APBB3: variants seen among roughly 807,000 people sequenced by gnomAD.
APBB3 encodes amyloid-beta A4 precursor protein-binding family B member 3.
A neutral mutation model predicts 61.5 loss-of-function variants in APBB3; 50 were observed. That is an observed-to-expected ratio of 0.81 (90% CI 0.65 to 1.03). The LOEUF is 1.03. APBB3 is among the 50% of genes least tolerant of loss of function. APBB3 has a pLI of 0.00. For missense variants in APBB3, 550 were observed against 637.4 expected (o/e 0.86, Z 1.48); for synonymous variants, 235 against 233.0 (o/e 1.01, Z -0.08).
At position 140,562,479 on chromosome 5, in the gene APBB3, C is replaced by A. The variant is rs370576904; in HGVS notation, c.372G>T (p.Leu124=). ...CCTCTTCAGGTACCTCTACCCAGCC[C>A]AGAGAGCGGACTGCAAAGCACTGAC... is the stretch of plus-strand genomic sequence containing the variant. ...PGAKCFAVRS[L]GWVEVPEEDL... is the part of the protein sequence containing the mutation. Residue 124 remains leucine, a synonymous_variant, in exon 5 of 13, where the codon CTG becomes CTT. Coordinates refer to ENST00000357560, the MANE Select transcript of APBB3 (RefSeq NM_133173.3). The A allele has an allele frequency of 6.2e-7, 1 of 1,613,996 alleles. No individual in the cohort carries two copies. Among genetic ancestry groups the A allele is most frequent in the Non-Finnish European group, 8.5e-7 (1 of 1,180,028 alleles).
At chr5:140,558,887 A>T in intron 12 of APBB3, 66 bp from the exon 13 acceptor site, 1 of 1,446,224 alleles carries the variant, frequency 6.9e-7, no homozygotes, top group Non-Finnish European at 9.7e-7. Flanking sequence ...AAGCTTCTGC[A>T]GGACAGGGAA....
intron 12 of APBB3, 29 bp from the exon 13 acceptor site, chr5:140,558,850 G>C: frequency 6.3e-7 from 1 of 1,596,070 alleles, no homozygotes; most frequent in South Asian, 1.1e-5. Flanking sequence ...TGAGGATCCA[G>C]CTACTTTCTG....
chr5:140,560,241 C>A lies in APBB3; in HGVS notation c.1224+72G>T. ...TTGTGATCTCTGAAGAGGCTGCCGA[C>A]CCGGAGCCCAAGTAAACAGTGGAGA... On this transcript the variant is annotated intron_variant, in intron 12 of 12. Transcript: ENST00000357560. This position sits in a 1 kb window ranked among gnomAD's most constrained non-coding sequence, Gnocchi z 5.1. 6.5e-7 allele frequency: 1 copy of A among 1,532,708 alleles called. No homozygotes were observed. The highest frequency in any genetic ancestry group is 8.9e-7 in the Non-Finnish European group (1 of 1,126,720). The allele number at this position is 1,532,708 out of a possible 1,614,324, so 94.9% of individuals were successfully genotyped here.
At chr5:140,559,103 T>A (rs1754835617) in intron 12 of APBB3, among the ~76,000 whole-genome samples, 1 of 152,162 alleles carries the variant, frequency 6.6e-6, no homozygotes, top group Non-Finnish European at 1.5e-5. Flanking sequence ...AAATTGAGAT[T>A]CAGAGAGTAT....
Position 140,562,422 on chromosome 5 carries a change from G to A in APBB3, c.429C>T (p.Val143=). Reference sequence around the variant, plus strand: ...GGGCCAGCTGCTGGATACAGTTATTGACTGCAATACTGCTCTTCCCCGGTG... The same window carrying A: ...GGGCCAGCTGCTGGATACAGTTATTAACTGCAATACTGCTCTTCCCCGGTG... ...DLAPGKSSIA[V]NNCIQQLAQT... is the part of the protein sequence containing the mutation. The change falls in exon 5 of 13, where the codon GTC becomes GTT. Residue 143 remains valine, a synonymous_variant. Transcript: ENST00000357560. The A allele has an allele frequency of 6.2e-7, 1 of 1,614,196 alleles. No homozygotes were observed. Among genetic ancestry groups the A allele is most frequent in the Non-Finnish European group, 8.5e-7 (1 of 1,180,040 alleles).
Position 140,563,821 on chromosome 5 carries a change from A to C in APBB3, c.144T>G (p.His48Gln), listed in dbSNP as rs752557752. The C allele has an allele frequency of 2.5e-6, 4 of 1,614,058 alleles. No individual in the cohort carries two copies. The South Asian group carries it at 3.3e-5, about 13-fold the overall frequency. ...GCCACTGGGTGCTACCGCTGGGTAC[A>C]TGCCAGTAGTAAGTACCTGCAGCAT... is the stretch of plus-strand genomic sequence containing the variant. Reference protein sequence around the residue: ...IHDAAGTYYWHVPSGSTQWQR... With the variant: ...IHDAAGTYYWQVPSGSTQWQR... Residue 48 changes from histidine (H) to glutamine (Q), a missense_variant, in exon 2 of 13, where the codon CAT (histidine) becomes CAG (glutamine). Physicochemically the swap from His to Gln is conservative, Grantham distance 24. Coordinates refer to ENST00000357560, the MANE Select transcript of APBB3 (RefSeq NM_133173.3).
chr5:140,564,107 C>G lies in APBB3; in HGVS notation c.49+90G>C. 1.3e-6 allele frequency: 2 copies of G among 1,572,522 alleles called. No individual in the cohort carries two copies. The highest frequency in any genetic ancestry group is 1.7e-6 in the Non-Finnish European group (2 of 1,149,028). On this transcript the variant is annotated intron_variant, in intron 1 of 12. Coordinates refer to ENST00000357560, the MANE Select transcript of APBB3 (RefSeq NM_133173.3). This position sits in a 1 kb window ranked among gnomAD's most constrained non-coding sequence, Gnocchi z 5.0. ...CCTGGTCCCTACACAGAGAGGTATC[C>G]CCCACCGTCTTTGAGCCCCAGAGTA...
chr5:140,564,179 G>T lies in APBB3; in HGVS notation c.49+18C>A, dbSNP rs371445677. ...TCCCTCAGCTCCTGGTCTTCCCACC[G>T]GGCCCCTCCGTGCACACCATCGCAG... On this transcript the variant is annotated intron_variant, in intron 1 of 12. Coordinates refer to ENST00000357560, the MANE Select transcript of APBB3 (RefSeq NM_133173.3). The surrounding 1 kb of genome is among the most constrained non-coding windows in gnomAD (Gnocchi z 5.0). 6.2e-7 allele frequency: 1 copy of T among 1,613,906 alleles called. No homozygotes were observed. Among genetic ancestry groups the T allele is most frequent in the East Asian group, 2.2e-5 (1 of 44,870 alleles).
At chr5:140,561,304 C>A in intron 9 of APBB3, 61 bp downstream of exon 9, 2 of 1,582,202 alleles carry the variant, frequency 1.3e-6, no homozygotes, top group Non-Finnish European at 1.7e-6. Flanking sequence ...CAGAAATCGC[C>A]CCCCCACAAA....
At position 140,562,415 on chromosome 5, in the gene APBB3, A is replaced by G; in HGVS notation, c.436T>C (p.Cys146Arg). The part of the protein sequence containing the change: ...PGKSSIAVNN[C>R]IQQLAQTRSR... Reference sequence around the variant, plus strand: ...CGGGTCTGGGCCAGCTGCTGGATACAGTTATTGACTGCAATACTGCTCTTC... The same window carrying G: ...CGGGTCTGGGCCAGCTGCTGGATACGGTTATTGACTGCAATACTGCTCTTC... The change falls in exon 5 of 13, where the codon TGT (cysteine) becomes CGT (arginine). Residue 146 changes from cysteine (C) to arginine (R), a missense_variant. By Grantham distance (180) the Cys-to-Arg change is radical. Coordinates refer to ENST00000357560, the MANE Select transcript of APBB3 (RefSeq NM_133173.3). 1 of 1,614,180 alleles carries G rather than the reference A, an allele frequency of 6.2e-7. No homozygotes were observed. Among genetic ancestry groups the G allele is most frequent in the Non-Finnish European group, 8.5e-7 (1 of 1,180,034 alleles).
At chr5:140,563,469 C>T (rs770519061) in intron 3 of APBB3, 125 bp downstream of exon 3, 49 of 1,091,202 alleles carry the variant, frequency 4.5e-5, no homozygotes, top group Middle Eastern at 2.9e-4. Flanking sequence ...GAGCCAAGAA[C>T]GTAACAGAAC....
At chr5:140,559,186 A>G (rs1340751271) in intron 12 of APBB3, among the ~76,000 whole-genome samples, 4 of 152,144 alleles carry the variant, frequency 2.6e-5, no homozygotes, top group Admixed American at 1.3e-4. Context: ...CTGATTGCAG[A>G]GCCTAAACTC....
chr5:140,561,000 A>G lies in APBB3; in HGVS notation c.916+18T>C, dbSNP rs757503626. 1 of 1,609,986 alleles carries G rather than the reference A, an allele frequency of 6.2e-7. No individual in the cohort carries two copies. Among genetic ancestry groups the G allele is most frequent in the East Asian group, 2.2e-5 (1 of 44,868 alleles). Reference sequence around the variant, plus strand: ...TTGCCTCACACAGCCCACCACATGCAGCCCCCTCAGTCCTCACCCATGGCC... The same window carrying G: ...TTGCCTCACACAGCCCACCACATGCGGCCCCCTCAGTCCTCACCCATGGCC... On this transcript the variant is annotated intron_variant, in intron 10 of 12. Coordinates refer to ENST00000357560, the MANE Select transcript of APBB3 (RefSeq NM_133173.3). The surrounding 1 kb of genome is among the most constrained non-coding windows in gnomAD (Gnocchi z 5.1).
chr5:140,560,528 T>C lies in APBB3; in HGVS notation c.1033-24A>G, dbSNP rs545874567. On this transcript the variant is annotated intron_variant, in intron 11 of 12. Coordinates refer to ENST00000357560, the MANE Select transcript of APBB3 (RefSeq NM_133173.3). This position sits in a 1 kb window ranked among gnomAD's most constrained non-coding sequence, Gnocchi z 5.1. ...GCCTGCCCACACCAGGCCTAGTCAC[T>C]AGAGGGCCAAGCACGGGCCAGACCC... 1 of 1,609,060 alleles carries C rather than the reference T, an allele frequency of 6.2e-7. No individual in the cohort carries two copies. The highest frequency in any genetic ancestry group is 2.2e-5 in the East Asian group (1 of 44,656).
chr5:140,564,056 C>T lies in APBB3; in HGVS notation c.49+141G>A. Reference sequence around the variant, plus strand: ...AGGCTCCTCAATCTTGAAGACATCACATGTAAAGACCGGGTTCATTCGCCC... The same window carrying T: ...AGGCTCCTCAATCTTGAAGACATCATATGTAAAGACCGGGTTCATTCGCCC... On this transcript the variant is annotated intron_variant, in intron 1 of 12. Transcript: ENST00000357560. This position sits in a 1 kb window ranked among gnomAD's most constrained non-coding sequence, Gnocchi z 5.0. The T allele has an allele frequency of 2.7e-6, 4 of 1,462,492 alleles. No homozygotes were observed. Among genetic ancestry groups the T allele is most frequent in the East Asian group, 2.4e-5 (1 of 41,840 alleles). 90.6% of individuals were successfully genotyped at this position (1,462,492 alleles called of 1,614,324 possible).
At position 140,558,696 on chromosome 5, in the gene APBB3, G is replaced by C; in HGVS notation, c.1350C>G (p.Leu450=). The stretch of plus-strand genomic sequence containing the variant: ...CGCCAACCCCTCCTTTGAGCAGGGG[G>C]AGGGGCAGGGGACCTCCTGGGGAAT... ...SMDSPGGPLP[L]PLLKGGVGGA... The change falls in exon 13 of 13, where the codon CTC becomes CTG. Residue 450 remains leucine (L), a synonymous_variant. Transcript: ENST00000357560. The C allele has an allele frequency of 1.9e-6, 3 of 1,611,950 alleles. No homozygotes were observed. The highest frequency in any genetic ancestry group is 2.5e-6 in the Non-Finnish European group (3 of 1,179,442).
At position 140,562,469 on chromosome 5, in the gene APBB3, C is replaced by G. The variant is rs772115168; in HGVS notation, c.382G>C (p.Glu128Gln). ...GGTGCCAGGTCCTCTTCAGGTACCT[C>G]TACCCAGCCCAGAGAGCGGACTGCA... ...CFAVRSLGWV[E>Q]VPEEDLAPGK... Residue 128 changes from glutamate to glutamine, a missense_variant, in exon 5 of 13, where the codon GAG becomes CAG. Glu to Gln is a conservative substitution (Grantham distance 29). This residue lies in a region of APBB3 where 405 missense variants were observed against 483.4 expected (regional missense o/e 0.84). Coordinates refer to ENST00000357560, the MANE Select transcript of APBB3 (RefSeq NM_133173.3). The G allele has an allele frequency of 4.3e-6, 7 of 1,614,042 alleles. No individual in the cohort carries two copies. The African/African-American group carries it at 9.3e-5, about 22-fold the overall frequency.
In APBB3 at chr5:140,560,464, G is replaced by C; in HGVS notation, c.1073C>G (p.Pro358Arg). ...STEEEPLWQCPVRLVTFIGVG... is the reference protein window; with the variant it reads ...STEEEPLWQCRVRLVTFIGVG... ...ACCAATAAATGTCACAAGGCGCACA[G>C]GGCACTGCCACAATGGCTCCTCCTC... The change falls in exon 12 of 13, where the codon CCT (proline) becomes CGT (arginine). Residue 358 changes from proline to arginine, a missense_variant. Coordinates refer to ENST00000357560, the MANE Select transcript of APBB3 (RefSeq NM_133173.3). The surrounding 1 kb of genome is among the most constrained non-coding windows in gnomAD (Gnocchi z 5.1). 6.2e-7 allele frequency: 1 copy of C among 1,614,134 alleles called. No homozygotes were observed. Among genetic ancestry groups the C allele is most frequent in the Non-Finnish European group, 8.5e-7 (1 of 1,180,016 alleles).
At chr5:140,562,632 C>T in intron 4 of APBB3, 31 bp downstream of exon 4, 1 of 1,613,526 alleles carries the variant, frequency 6.2e-7, no homozygotes, top group Non-Finnish European at 8.5e-7. Flanking sequence ...TCCCTTGGGA[C>T]CTCCCAATGC....
Sources: gnomAD v4.1 joint callset for allele counts (sites outside exome capture counted in the v4.1 genomes callset) on GRCh38, gnomAD v4.1.1 for gene constraint, gnomAD v4.1.1 regional missense constraint, Gnocchi (gnomAD v3.1) non-coding constraint, MANE v1.5 for transcripts, NCBI Gene and HGNC (gene_info 2026-07-23, HGNC 2026-07-21) for gene names.